The following PPP4R2 variants were observed in gnomAD, a reference collection of about 807,000 sequenced individuals.
PPP4R2 encodes serine/threonine-protein phosphatase 4 regulatory subunit 2.
A neutral mutation model predicts 47.2 loss-of-function variants in PPP4R2; 13 were observed. That is an observed-to-expected ratio of 0.28 (90% CI 0.18 to 0.44). PPP4R2 has a LOEUF of 0.44. Ranked by LOEUF, PPP4R2 falls within the 20% of genes least tolerant of loss-of-function variation. The probability of loss-of-function intolerance (pLI) is 1.00; values close to 1 mark genes in which losing one functional copy is unlikely to be tolerated. For missense variants in PPP4R2, 421 were observed against 491.2 expected (o/e 0.86, Z 1.35); for synonymous variants, 151 against 163.3 (o/e 0.92, Z 0.57).
chr3:73,029,536 C>T (rs1424574088), intron 2 of PPP4R2, among the ~76,000 whole-genome samples: 1 of 151,608 alleles, frequency 6.6e-6, no homozygotes, highest in Non-Finnish European at 1.5e-5. Context: ...TTTGTCTGAG[C>T]ATCCGAAGTG....
intron 3 of PPP4R2, among the ~76,000 whole-genome samples, chr3:73,058,699 A>G (rs1702778732): frequency 6.6e-6 from 1 of 152,084 alleles, no homozygotes; most frequent in Non-Finnish European, 1.5e-5. Context: ...TTTAAAATGT[A>G]CGATAAATTA....
chr3:73,008,571 A>G (rs1213799475), intron 2 of PPP4R2, among the ~76,000 whole-genome samples: 1 of 152,110 alleles, frequency 6.6e-6, no homozygotes, highest in Non-Finnish European at 1.5e-5. Flanking sequence ...TGGAGAGAAC[A>G]TTGCTTGAGT....
At chr3:73,015,742 A>G (rs887537655) in intron 2 of PPP4R2, 5 of 423,122 alleles carry the variant, frequency 1.2e-5, no homozygotes, top group African/African-American at 8.6e-5. Flanking sequence ...GGTTCATGCC[A>G]TTGTCCTGCC....
chr3:73,004,873 GTTTGTT>G (rs1559545883), intron 2 of PPP4R2, among the ~76,000 whole-genome samples: 111 of 57,904 alleles, frequency 1.9e-3, no homozygotes, highest in African/African-American at 8.1e-3. Context: ...GTGTGTGTTT[GTTTGTT>G]TGTTTGTGTG....
chr3:73,065,847 T>A lies in PPP4R2; in HGVS notation c.*125T>A. 1 of 613,974 alleles carries A rather than the reference T, an allele frequency of 1.6e-6. No individual in the cohort carries two copies. The highest frequency in any genetic ancestry group is 2.8e-6 in the Non-Finnish European group (1 of 360,118). 38.0% of individuals were successfully genotyped at this position (613,974 alleles called of 1,614,324 possible). The stretch of plus-strand genomic sequence containing the variant: ...GAAGCAGGTTGTAAAATAAAGTACT[T>A]TATGGATAATTCCTGAAAGAGTTGT... On this transcript the variant is annotated 3_prime_UTR_variant, in exon 9 of 9. Coordinates refer to ENST00000356692, the MANE Select transcript of PPP4R2 (RefSeq NM_174907.4).
intron 2 of PPP4R2, among the ~76,000 whole-genome samples, chr3:73,034,930 C>CA (rs1702235570): frequency 6.6e-6 from 1 of 151,356 alleles, no homozygotes; most frequent in Non-Finnish European, 1.5e-5. Context: ...GGAACGAAAG[C>CA]AAAAACAGAT....
At chr3:73,010,445 A>G (rs964444037) in intron 2 of PPP4R2, among the ~76,000 whole-genome samples, 5 of 152,202 alleles carry the variant, frequency 3.3e-5, no homozygotes, top group Non-Finnish European at 7.3e-5. Context: ...ATTTGCAGCT[A>G]TAAGTGTCAT....
At chr3:73,028,107 A>G (rs2107269114) in intron 2 of PPP4R2, among the ~76,000 whole-genome samples, 1 of 151,982 alleles carries the variant, frequency 6.6e-6, no homozygotes, top group Non-Finnish European at 1.5e-5. Context: ...AAATACAAAA[A>G]TTAGCCAGGC....
At chr3:73,000,401 A>G (rs1237059772) in intron 2 of PPP4R2, among the ~76,000 whole-genome samples, 2 of 152,208 alleles carry the variant, frequency 1.3e-5, no homozygotes, top group Admixed American at 1.3e-4. Flanking sequence ...GCATTAACAG[A>G]AGTAGTATGT....
intron 2 of PPP4R2, among the ~76,000 whole-genome samples, chr3:73,001,725 ACCT>A (rs746792881): frequency 1.3e-4 from 20 of 151,118 alleles, no homozygotes; most frequent in Non-Finnish European, 2.2e-4. Flanking sequence ...TTCATCCCCC[ACCT>A]CCTGAGTTCA....
chr3:73,050,043 C>T (rs1260020109), intron 3 of PPP4R2, among the ~76,000 whole-genome samples: 2 of 152,158 alleles, frequency 1.3e-5, no homozygotes, highest in East Asian at 3.9e-4. Flanking sequence ...CAAGTTCAAG[C>T]TATTCTCCAG....
At chr3:72,997,179 G>GC in intron 1 of PPP4R2, 108 bp downstream of exon 1, 1 of 905,496 alleles carries the variant, frequency 1.1e-6, no homozygotes, top group Non-Finnish European at 1.5e-6. Flanking sequence ...GGCGTGGGGA[G>GC]AGTGCTTCCC....
At chr3:73,043,386 G>T (rs1260102643) in intron 2 of PPP4R2, among the ~76,000 whole-genome samples, 1 of 152,078 alleles carries the variant, frequency 6.6e-6, no homozygotes, top group Non-Finnish European at 1.5e-5. Context: ...AACTAATCAT[G>T]CAAATAGCTT....
chr3:73,044,722 A>T (rs946087346), intron 2 of PPP4R2, among the ~76,000 whole-genome samples: 1 of 152,210 alleles, frequency 6.6e-6, no homozygotes, highest in African/African-American at 2.4e-5. Flanking sequence ...AATGGTGTTA[A>T]GCATCTTGTG....
intron 5 of PPP4R2, 46 bp downstream of exon 5, chr3:73,061,106 A>T (rs760269770): frequency 9.1e-6 from 8 of 881,044 alleles, no homozygotes; most frequent in Non-Finnish European, 1.3e-5. Flanking sequence ...ACTATATTTA[A>T]TCATTTTATT....
At chr3:73,001,076 C>T (rs1040851036) in intron 2 of PPP4R2, among the ~76,000 whole-genome samples, 7 of 151,956 alleles carry the variant, frequency 4.6e-5, no homozygotes, top group African/African-American at 1.7e-4. Flanking sequence ...TCATTTCCTG[C>T]CCCAGATGTG....
intron 5 of PPP4R2, chr3:73,061,360 T>C (rs1443759468): frequency 5.5e-6 from 1 of 181,456 alleles, no homozygotes; most frequent in Non-Finnish European, 1.1e-5. Context: ...TAGATGCCTT[T>C]CCAGGGTGTC....
At chr3:73,011,246 G>A (rs898690773) in intron 2 of PPP4R2, among the ~76,000 whole-genome samples, 4 of 152,174 alleles carry the variant, frequency 2.6e-5, no homozygotes, top group Admixed American at 2.0e-4. Flanking sequence ...TTGGGAGGCC[G>A]AGGCGGGTGG....
intron 2 of PPP4R2, among the ~76,000 whole-genome samples, chr3:73,018,919 T>C (rs1207942637): frequency 1.3e-5 from 2 of 152,212 alleles, no homozygotes; most frequent in Non-Finnish European, 2.9e-5. Flanking sequence ...GCTGTTTGCT[T>C]ACTAGTCTGT....
Sources: allele counts gnomAD v4.1 joint callset (sites outside exome capture counted in the v4.1 genomes callset), GRCh38; gene constraint gnomAD v4.1.1; transcripts MANE v1.5; gene names NCBI Gene and HGNC (gene_info 2026-07-23, HGNC 2026-07-21).